The following ZNF236 variants were observed in gnomAD, a reference collection of about 807,000 sequenced individuals.
ZNF236 encodes regulated by glucose.
A neutral mutation model predicts 191.2 loss-of-function variants in ZNF236; 50 were observed. That is an observed-to-expected ratio of 0.26 (90% CI 0.21 to 0.33). The LOEUF (loss-of-function observed/expected upper bound fraction) is 0.33. ZNF236 is among the 10% of genes least tolerant of loss of function. ZNF236 has a pLI of 1.00. For missense variants in ZNF236, 1,754 were observed against 2,374.5 expected, an observed-to-expected ratio of 0.74 and a Z score of 5.43; for synonymous variants, 907 against 928.8, an observed-to-expected ratio of 0.98 and a Z score of 0.43.
rs964534958 is a variant in ZNF236, at chr18:76,968,777, G to A, written c.*438G>A. The A allele has an allele frequency of 3.0e-6, 3 of 989,458 alleles. 1 individual carries two copies. The highest frequency in any genetic ancestry group is 1.0e-3 in the Middle Eastern group (2 of 1,956). The allele number at this position is 989,458 out of a possible 1,614,324, so 61.3% of individuals were successfully genotyped here. ...CAAAGCAAGCGTAAGATTGAGGCATGAAGTTCAGAAAAAAAAGTGTTACAA... is the reference window on the plus strand; with the variant it reads ...CAAAGCAAGCGTAAGATTGAGGCATAAAGTTCAGAAAAAAAAGTGTTACAA... On this transcript the variant is annotated 3_prime_UTR_variant, in exon 31 of 31. Coordinates refer to ENST00000320610, the MANE Select transcript of ZNF236 (RefSeq NM_001306089.2).
At chr18:76,923,000 T>C (rs886467538) in intron 20 of ZNF236, 71 bp from the exon 21 acceptor site, 15 of 1,195,106 alleles carry the variant, frequency 1.3e-5, no homozygotes, top group Admixed American at 3.8e-5. Context: ...CTAATTTTAA[T>C]TTATATAGTT....
intron 26 of ZNF236, among the ~76,000 whole-genome samples, chr18:76,940,108 T>C (rs1327792852): frequency 2.2e-5 from 3 of 138,770 alleles, no homozygotes; most frequent in Admixed American, 2.1e-4. Flanking sequence ...AGCACTGCAT[T>C]TGGGAACACG....
rs187409239 is a variant in ZNF236, at chr18:76,833,679, T to G, written c.55+11017T>G. 2.4e-3 allele frequency among the ~76,000 whole-genome samples: 359 copies of G among 152,298 alleles called. 3 individuals carry two copies. Among genetic ancestry groups the G allele is most frequent in the Non-Finnish European group, 1.8e-3 (122 of 68,022 alleles). On this transcript the variant is annotated intron_variant, in intron 1 of 30. Transcript: ENST00000320610. Reference sequence around the variant, plus strand: ...TTATATTGCCATTCTCAAGTTTTGATACTAGTATTTTGCTGGCTTCATAAA... The same window carrying G: ...TTATATTGCCATTCTCAAGTTTTGAGACTAGTATTTTGCTGGCTTCATAAA...
At position 76,913,906 on chromosome 18, in the gene ZNF236, T is replaced by A; in HGVS notation, c.3061+8T>A. On this transcript the variant is annotated splice_region_variant and intron_variant, in intron 18 of 30. Transcript: ENST00000320610. ...ACGAGAAGACACACACAGGTCACTG[T>A]CTGCCTTATACTTGGAGATTAGTCC... 3.1e-6 allele frequency: 5 copies of A among 1,614,158 alleles called. No individual in the cohort carries two copies. Among genetic ancestry groups the A allele is most frequent in the Non-Finnish European group, 4.2e-6 (5 of 1,180,002 alleles).
intron 9 of ZNF236, among the ~76,000 whole-genome samples, chr18:76,890,878 C>T (rs141128026): frequency 0.019 from 2,846 of 152,200 alleles, 41 homozygotes; most frequent in Non-Finnish European, 0.028. Context: ...TCTGCCACCC[C>T]AAGAGAGCAA....
intron 19 of ZNF236, among the ~76,000 whole-genome samples, chr18:76,916,625 C>T (rs182470932): frequency 6.0e-4 from 91 of 152,324 alleles, no homozygotes; most frequent in African/African-American, 1.8e-3. Flanking sequence ...TGAAATTATA[C>T]AGTTACGAAT....
At chr18:76,932,369 A>G (rs1446917184) in intron 25 of ZNF236, among the ~76,000 whole-genome samples, 7 of 152,236 alleles carry the variant, frequency 4.6e-5, no homozygotes, top group Non-Finnish European at 7.3e-5. Context: ...TCCAAAATAT[A>G]TGATGTATTG....
rs200663953 is a variant in ZNF236, at chr18:76,928,115, G to A, written c.4594+9G>A. 7.7e-4 allele frequency: 1,239 copies of A among 1,599,990 alleles called. 10 individuals are homozygous for A. The South Asian group carries it at 7.9e-3, about 10-fold the overall frequency. ...TACCCTGACTATCTCCGGTTAGTAA[G>A]TTATAATTTTAAACATCTTTTCACC... is the stretch of plus-strand genomic sequence containing the variant. On this transcript the variant is annotated intron_variant, in intron 25 of 30. Transcript: ENST00000320610.
In ZNF236 at chr18:76,853,549, A is replaced by G. The variant is rs117457112; in HGVS notation, c.363+1610A>G. 3.0e-3 allele frequency among the ~76,000 whole-genome samples: 456 copies of G among 152,318 alleles called. 2 individuals carry two copies. The highest frequency in any genetic ancestry group is 5.1e-3 in the Non-Finnish European group (349 of 68,036). ...AAACCACCCATAGTGGACTTTAACAAAGCTGAACACATAGAAACAGCAAAG... is the reference window on the plus strand; with the variant it reads ...AAACCACCCATAGTGGACTTTAACAGAGCTGAACACATAGAAACAGCAAAG... On this transcript the variant is annotated intron_variant, in intron 3 of 30. Transcript: ENST00000320610.
chr18:76,927,621 T>G lies in ZNF236; in HGVS notation c.4414+104T>G. The G allele has an allele frequency of 1.4e-6, 2 of 1,412,990 alleles. No individual in the cohort carries two copies. The highest frequency in any genetic ancestry group is 2.3e-5 in the East Asian group (1 of 42,736). The allele number at this position is 1,412,990 out of a possible 1,614,324, so 87.5% of individuals were successfully genotyped here. ...ATGTTATGATGTCATTTTCTTCTCT[T>G]TGTAGAAGAGAATAAATCAAATGTC... On this transcript the variant is annotated intron_variant, in intron 24 of 30. Coordinates refer to ENST00000320610, the MANE Select transcript of ZNF236 (RefSeq NM_001306089.2). This position sits in a 1 kb window ranked among gnomAD's most constrained non-coding sequence, Gnocchi z 5.4.
Position 76,908,567 on chromosome 18 carries a change from G to T in ZNF236, c.2545G>T (p.Asp849Tyr). The T allele has an allele frequency of 6.2e-7, 1 of 1,604,438 alleles. No homozygotes were observed. The highest frequency in any genetic ancestry group is 8.5e-7 in the Non-Finnish European group (1 of 1,175,764). Residue 849 changes from aspartate to tyrosine, a missense_variant, in exon 14 of 31, where the codon GAT becomes TAT. Asp to Tyr is a radical substitution (Grantham distance 160). This residue lies in a region of ZNF236 where 641 missense variants were observed against 869.6 expected (regional missense o/e 0.74). Coordinates refer to ENST00000320610, the MANE Select transcript of ZNF236 (RefSeq NM_001306089.2). Reference protein sequence around the residue: ...QQLADQPLEADEDGFVAPQDP... With the variant: ...QQLADQPLEAYEDGFVAPQDP... Reference sequence around the variant, plus strand: ...GTTGGCAGATCAGCCCCTGGAAGCAGATGAAGGTAAATGTTTCAGGATATT... The same window carrying T: ...GTTGGCAGATCAGCCCCTGGAAGCATATGAAGGTAAATGTTTCAGGATATT...
Position 76,913,508 on chromosome 18 carries a change from A to G in ZNF236, c.2910-239A>G, listed in dbSNP as rs181624555. On this transcript the variant is annotated intron_variant, in intron 17 of 30. Coordinates refer to ENST00000320610, the MANE Select transcript of ZNF236 (RefSeq NM_001306089.2). The stretch of plus-strand genomic sequence containing the variant: ...TATAGGATTTACTGTTTTTTAAGTA[A>G]TACATTTAAGACTGTAAATACTCTA... 9.0e-4 allele frequency among the ~76,000 whole-genome samples: 137 copies of G among 152,372 alleles called. 1 individual carries two copies. The highest frequency in any genetic ancestry group is 2.9e-3 in the African/African-American group (121 of 41,582).
chr18:76,902,626 C>T (rs548670824), intron 11 of ZNF236, among the ~76,000 whole-genome samples: 1 of 152,212 alleles, frequency 6.6e-6, no homozygotes, highest in South Asian at 2.1e-4. Flanking sequence ...GGCTGGAGTG[C>T]AATGGTACGA....
Position 76,899,042 on chromosome 18 carries a change from C to T in ZNF236, c.1714C>T (p.His572Tyr). Residue 572 changes from histidine to tyrosine, a missense_variant, in exon 11 of 31, where the codon CAC becomes TAC. His to Tyr is a moderately conservative substitution (Grantham distance 83, BLOSUM62 2). Around this residue, in one of 5 missense-constraint regions of ZNF236, gnomAD observed 641 missense variants for 869.6 expected, o/e 0.74. Transcript: ENST00000320610. The part of the protein sequence containing the change: ...HTGVRPFACP[H>Y]CDKKFRTSGH... Reference sequence around the variant, plus strand: ...AGGAGTTAGACCTTTTGCTTGTCCTCACTGTGACAAAAAATTTCGAACCTC... The same window carrying T: ...AGGAGTTAGACCTTTTGCTTGTCCTTACTGTGACAAAAAATTTCGAACCTC... 1 of 1,614,108 alleles carries T rather than the reference C, an allele frequency of 6.2e-7. No individual in the cohort carries two copies. The highest frequency in any genetic ancestry group is 8.5e-7 in the Non-Finnish European group (1 of 1,179,982).
At chr18:76,944,339 A>G (rs60541662) in intron 26 of ZNF236, among the ~76,000 whole-genome samples, 4,751 of 152,334 alleles carry the variant, frequency 0.031, 245 homozygotes, top group African/African-American at 0.11. Context: ...AAATATAGTA[A>G]AGAAACCAAC....
intron 1 of ZNF236, among the ~76,000 whole-genome samples, chr18:76,843,604 C>T (rs1384303263): frequency 2.7e-5 from 4 of 148,862 alleles, no homozygotes; most frequent in South Asian, 2.1e-4. Context: ...AGTGAAACCC[C>T]GTCTCTACTA....
In ZNF236 at chr18:76,861,372, G is replaced by A. The variant is rs148035568; in HGVS notation, c.364-7313G>A. ...AGGTGCACTGCTTCTCTTTAAAGGC[G>A]TTATCTGGAAGATGCATTTCAGTCC... On this transcript the variant is annotated intron_variant, in intron 3 of 30. Transcript: ENST00000320610. Among the ~76,000 whole-genome samples the A allele has an allele frequency of 1.0e-3, 159 of 152,236 alleles. No homozygotes were observed. The East Asian group carries it at 0.015, about 14-fold the overall frequency.
chr18:76,959,222 G>A (rs1444566648), intron 28 of ZNF236, among the ~76,000 whole-genome samples: 3 of 152,190 alleles, frequency 2.0e-5, no homozygotes, highest in Non-Finnish European at 2.9e-5. Context: ...GTCACTGAAC[G>A]GGTCCCAGCT....
At chr18:76,918,710 A>G (rs2122798733) in intron 19 of ZNF236, among the ~76,000 whole-genome samples, 1 of 152,154 alleles carries the variant, frequency 6.6e-6, no homozygotes, top group Admixed American at 6.5e-5. Context: ...GCGCGCCCCC[A>G]TGCCTGGTTA....
Sources: gnomAD v4.1 joint callset for allele counts (sites outside exome capture counted in the v4.1 genomes callset) on GRCh38, gnomAD v4.1.1 for gene constraint, gnomAD v4.1.1 regional missense constraint, Gnocchi (gnomAD v3.1) non-coding constraint, MANE v1.5 for transcripts, NCBI Gene and HGNC (gene_info 2026-07-23, HGNC 2026-07-21) for gene names.